DNAH8: variants seen among roughly 807,000 people sequenced by gnomAD.
DNAH8 encodes the protein dynein axonemal heavy chain 8, also known as axonemal beta dynein heavy chain 8.
In DNAH8, 382 loss-of-function variants were observed where a neutral mutation model predicts 562.1. That is an observed-to-expected ratio of 0.68 (90% CI 0.63 to 0.74). The LOEUF is 0.74. Ranked by LOEUF, DNAH8 falls within the 30% of genes least tolerant of loss-of-function variation. DNAH8 has a pLI of 0.00. For synonymous variants in DNAH8, 1,881 were observed against 1,919.4 expected, an observed-to-expected ratio of 0.98 and a Z score of 0.52; for missense variants, 5,203 against 5,620.4, an observed-to-expected ratio of 0.93 and a Z score of 2.37.
chr6:38,984,943 C>G (rs1583508682), intron 87 of DNAH8, among the ~76,000 whole-genome samples: 1 of 152,360 alleles, frequency 6.6e-6, no homozygotes, highest in South Asian at 2.1e-4. Context: ...CCTCCATCTT[C>G]CGCATTCCTG....
At chr6:38,965,780 G>A (rs986710226) in intron 82 of DNAH8, among the ~76,000 whole-genome samples, 1 of 152,130 alleles carries the variant, frequency 6.6e-6, no homozygotes, top group Non-Finnish European at 1.5e-5. Flanking sequence ...AGCCTATGCT[G>A]TTTCTTGTCT....
chr6:38,899,732 T>C, intron 61 of DNAH8, 44 bp from the exon 62 acceptor site: 1 of 1,607,034 alleles, frequency 6.2e-7, no homozygotes. Flanking sequence ...AATGTAAACA[T>C]TGCATTCTTT....
chr6:38,904,297 G>T (rs1780280605), intron 62 of DNAH8, among the ~76,000 whole-genome samples: 1 of 152,138 alleles, frequency 6.6e-6, no homozygotes, highest in Non-Finnish European at 1.5e-5. Flanking sequence ...CAATATAGAA[G>T]TCTCAGTAGA....
chr6:38,863,844 C>A, intron 44 of DNAH8, 29 bp from the exon 45 acceptor site: 3 of 1,559,826 alleles, frequency 1.9e-6, no homozygotes, highest in Non-Finnish European at 1.7e-6. Context: ...TAGAGTAAAA[C>A]TTTACAAATT....
At chr6:38,813,388 C>T (rs1458658218) in intron 24 of DNAH8, among the ~76,000 whole-genome samples, 1 of 152,012 alleles carries the variant, frequency 6.6e-6, no homozygotes, top group Non-Finnish European at 1.5e-5. Flanking sequence ...CTCTATGTTT[C>T]TTGTGATCCC....
At chr6:38,901,353 C>G (rs1258702902) in intron 62 of DNAH8, among the ~76,000 whole-genome samples, 1 of 152,048 alleles carries the variant, frequency 6.6e-6, no homozygotes, top group African/African-American at 2.4e-5. Flanking sequence ...ACCTAGAATT[C>G]ATTTTCTTAT....
chr6:38,929,691 AAGAAAG>A, intron 75 of DNAH8, 25 bp downstream of exon 75: 7 of 1,445,634 alleles, frequency 4.8e-6, no homozygotes, highest in African/African-American at 4.1e-5. Context: ...AAAAAAAAAA[AAGAAAG>A]AAAGAAAGAA....
At chr6:38,905,915 A>G (rs573371087) in intron 62 of DNAH8, among the ~76,000 whole-genome samples, 7 of 151,702 alleles carry the variant, frequency 4.6e-5, no homozygotes, top group African/African-American at 1.7e-4. Flanking sequence ...TTGTTTGTTT[A>G]TTTGTTTTAA....
intron 53 of DNAH8, among the ~76,000 whole-genome samples, chr6:38,882,488 A>G (rs373206943): frequency 2.6e-5 from 4 of 152,202 alleles, no homozygotes; most frequent in African/African-American, 7.2e-5. Flanking sequence ...CGTATTTTCA[A>G]TTATAAGTGG....
chr6:38,845,554 A>G lies in DNAH8; in HGVS notation c.4846-20A>G. On this transcript the variant is annotated intron_variant, in intron 35 of 92. Coordinates refer to ENST00000327475, the MANE Select transcript of DNAH8 (RefSeq NM_001206927.2). ...TGTAGTTGAAAACATCATGACATAT[A>G]CTTTGCTTTTCCTTCAAAGGATATT... 1 of 1,595,174 alleles carries G rather than the reference A, an allele frequency of 6.3e-7. No homozygotes were observed. The highest frequency in any genetic ancestry group is 2.2e-5 in the East Asian group (1 of 44,714).
intron 64 of DNAH8, among the ~76,000 whole-genome samples, chr6:38,908,381 G>A (rs2150524556): frequency 6.6e-6 from 1 of 152,070 alleles, no homozygotes; most frequent in East Asian, 1.9e-4. Flanking sequence ...GAATTGTAAG[G>A]GACTTGGTGA....
chr6:38,829,556 A>T (rs1773656793), intron 30 of DNAH8, among the ~76,000 whole-genome samples: 1 of 152,224 alleles, frequency 6.6e-6, no homozygotes, highest in African/African-American at 2.4e-5. Context: ...GCATGTAGAT[A>T]ATCCAGTTGC....
intron 85 of DNAH8, among the ~76,000 whole-genome samples, chr6:38,975,702 T>G (rs1763622198): frequency 6.6e-6 from 1 of 152,228 alleles, no homozygotes; most frequent in South Asian, 2.1e-4. Context: ...ATTACAGCTT[T>G]CAAGTCACAG....
At chr6:38,955,937 C>A (rs1762215013) in intron 82 of DNAH8, among the ~76,000 whole-genome samples, 1 of 152,228 alleles carries the variant, frequency 6.6e-6, no homozygotes, top group Non-Finnish European at 1.5e-5. Flanking sequence ...AATGGCCCTG[C>A]TCCCCAAGGA....
At chr6:38,950,847 T>C (rs888031049) in intron 81 of DNAH8, among the ~76,000 whole-genome samples, 3 of 151,646 alleles carry the variant, frequency 2.0e-5, no homozygotes, top group African/African-American at 7.3e-5. Context: ...AAAAAAAAAG[T>C]CTGTGGGGCT....
rs1413646649 is a variant in DNAH8, at chr6:38,737,089, A to G, written c.785A>G (p.Asp262Gly). The stretch of plus-strand genomic sequence containing the variant: ...CAGGAAGCGCTCTTTACTGTTCTGG[A>G]TGCGTCGAAAGGACTCTTAAATGGA... Reference protein sequence around the residue: ...IQEEALFTVLDASKGLLNGIR... With the variant: ...IQEEALFTVLGASKGLLNGIR... The change falls in exon 6 of 93, where the codon GAT (aspartate) becomes GGT (glycine). Residue 262 changes from aspartate (D) to glycine (G), a missense_variant. Physicochemically the swap from Asp to Gly is moderately conservative, Grantham distance 94. Around this residue, in one of 6 missense-constraint regions of DNAH8, gnomAD observed 556 missense variants for 496.9 expected, o/e 1.12. Coordinates refer to ENST00000327475, the MANE Select transcript of DNAH8 (RefSeq NM_001206927.2). 3.8e-6 allele frequency: 6 copies of G among 1,564,438 alleles called. No homozygotes were observed. The highest frequency in any genetic ancestry group is 5.2e-6 in the Non-Finnish European group (6 of 1,161,974).
At chr6:38,766,317 C>T (rs1766995433) in intron 11 of DNAH8, among the ~76,000 whole-genome samples, 1 of 152,008 alleles carries the variant, frequency 6.6e-6, no homozygotes, top group South Asian at 2.1e-4. Flanking sequence ...TATGTGGAAT[C>T]TAAAAAAGTC....
At chr6:38,926,358 C>A in intron 74 of DNAH8, 148 bp downstream of exon 74, 3 of 777,564 alleles carry the variant, frequency 3.9e-6, no homozygotes, top group Non-Finnish European at 6.0e-6. Context: ...CAATTTGGGG[C>A]AACAGCTCTG....
chr6:38,803,407 C>T, intron 22 of DNAH8, 96 bp downstream of exon 22: 2 of 840,720 alleles, frequency 2.4e-6, no homozygotes, highest in Non-Finnish European at 3.7e-6. Context: ...TCCAGACCCT[C>T]CCTTCCCCAG....
Sources: gnomAD v4.1 joint callset for allele counts (sites outside exome capture counted in the v4.1 genomes callset) on GRCh38, gnomAD v4.1.1 for gene constraint, gnomAD v4.1.1 regional missense constraint, MANE v1.5 for transcripts, NCBI Gene and HGNC (gene_info 2026-07-23, HGNC 2026-07-21) for gene names.